Variants in KHDRBS2 observed in about 807,000 individuals in gnomAD.
KHDRBS2 encodes the protein KH domain-containing, RNA-binding, signal transduction-associated protein 2.
KHDRBS2 carries 26 observed loss-of-function variants against 44.3 expected under a neutral mutation model. The ratio of observed to expected loss-of-function variants is 0.59; its 90% CI spans 0.43 to 0.81. The LOEUF is 0.81. Among genes scored for constraint, KHDRBS2 ranks in the 40% least tolerant of loss-of-function variants. The probability of loss-of-function intolerance (pLI) is 0.00; values close to 1 mark genes in which losing one functional copy is unlikely to be tolerated. For synonymous variants in KHDRBS2, 194 were observed against 151.1 expected, an observed-to-expected ratio of 1.28 and a Z score of -2.08; for missense variants, 476 against 433.1, an observed-to-expected ratio of 1.10 and a Z score of -0.88.
chr6:61,592,010 G>A, the KHDRBS2 span, among the ~76,000 whole-genome samples: 2 of 151,918 alleles, frequency 1.3e-5, no homozygotes, highest in African/African-American at 4.8e-5. Flanking sequence ...GTAACATAGA[G>A]AGACCCTCAT....
At chr6:61,844,367 T>C (rs1427497240) in intron 6 of KHDRBS2, among the ~76,000 whole-genome samples, 1 of 152,190 alleles carries the variant, frequency 6.6e-6, no homozygotes, top group Non-Finnish European at 1.5e-5. Context: ...AAAATTAGTA[T>C]AATTTTCAGC....
chr6:62,207,482 T>C (rs1021559084), intron 1 of KHDRBS2, among the ~76,000 whole-genome samples: 1 of 152,070 alleles, frequency 6.6e-6, no homozygotes, highest in Non-Finnish European at 1.5e-5. Context: ...GCCCTGAAGG[T>C]GAGTATGTAA....
At chr6:62,235,749 T>C (rs982751473) in intron 1 of KHDRBS2, among the ~76,000 whole-genome samples, 2 of 152,048 alleles carry the variant, frequency 1.3e-5, no homozygotes, top group Non-Finnish European at 1.5e-5. Context: ...CCCTTCCTCA[T>C]TACCATTTAC....
chr6:62,229,048 C>T (rs1312100651), intron 1 of KHDRBS2, among the ~76,000 whole-genome samples: 2 of 152,090 alleles, frequency 1.3e-5, no homozygotes, highest in African/African-American at 2.4e-5. Context: ...GGGTGTGCTT[C>T]GTTTCGGGGG....
At chr6:61,796,799 C>T (rs1390100748) in intron 6 of KHDRBS2, among the ~76,000 whole-genome samples, 1 of 152,048 alleles carries the variant, frequency 6.6e-6, no homozygotes, top group Admixed American at 6.6e-5. Context: ...TTTTACCCCA[C>T]ATGTTGTATG....
chr6:61,690,363 A>G (rs557590778), intron 8 of KHDRBS2, among the ~76,000 whole-genome samples: 2 of 152,132 alleles, frequency 1.3e-5, no homozygotes, highest in East Asian at 3.9e-4. Flanking sequence ...TCATCCCAAG[A>G]GTTCGACAAT....
At chr6:62,170,853 T>TG (rs1439469963) in intron 2 of KHDRBS2, among the ~76,000 whole-genome samples, 1 of 151,578 alleles carries the variant, frequency 6.6e-6, no homozygotes, top group Non-Finnish European at 1.5e-5. Flanking sequence ...AGTGCAGAAC[T>TG]GAGCTGTGGC....
chr6:62,140,371 A>T (rs1320199552), intron 2 of KHDRBS2, among the ~76,000 whole-genome samples: 2 of 152,168 alleles, frequency 1.3e-5, no homozygotes, highest in Non-Finnish European at 2.9e-5. Context: ...ATATTAGATA[A>T]ATAATTCTGA....
chr6:61,765,736 T>C (rs998811272), intron 6 of KHDRBS2, among the ~76,000 whole-genome samples: 3 of 152,154 alleles, frequency 2.0e-5, no homozygotes, highest in African/African-American at 7.2e-5. Context: ...TTTTTCAGCA[T>C]CATTTGAAAA....
the KHDRBS2 span, among the ~76,000 whole-genome samples, chr6:61,577,671 T>A: frequency 6.6e-6 from 1 of 152,138 alleles, no homozygotes; most frequent in Admixed American, 6.6e-5. Flanking sequence ...AGAAATATAC[T>A]AATAACTGAA....
chr6:61,944,936 C>T (rs1476883158), intron 4 of KHDRBS2, among the ~76,000 whole-genome samples: 1 of 150,646 alleles, frequency 6.6e-6, no homozygotes, highest in Non-Finnish European at 1.5e-5. Flanking sequence ...ACTAAAAATA[C>T]AAAAATAAGC....
the KHDRBS2 span, among the ~76,000 whole-genome samples, chr6:61,544,298 G>C: frequency 1.3e-5 from 2 of 151,924 alleles, no homozygotes; most frequent in Non-Finnish European, 2.9e-5. Flanking sequence ...AAATTAACTA[G>C]TAGCTTCAAA....
chr6:61,928,865 T>A (rs1405593586), intron 4 of KHDRBS2, among the ~76,000 whole-genome samples: 2 of 152,140 alleles, frequency 1.3e-5, no homozygotes, highest in Non-Finnish European at 2.9e-5. Flanking sequence ...ATTATAAAAC[T>A]AGGATTGTTT....
At chr6:61,877,743 C>CTTTAGATTCT (rs549589009) in intron 6 of KHDRBS2, among the ~76,000 whole-genome samples, 141 of 152,060 alleles carry the variant, frequency 9.3e-4, no homozygotes, top group African/African-American at 3.3e-3. Context: ...TAAAACATCT[C>CTTTAGATTCT]TTTAGAAAAT....
chr6:62,050,915 C>A (rs1788881077), intron 2 of KHDRBS2, among the ~76,000 whole-genome samples: 1 of 152,126 alleles, frequency 6.6e-6, no homozygotes, highest in Non-Finnish European at 1.5e-5. Flanking sequence ...GAAGTACGGA[C>A]AAACAAGTTT....
intron 1 of KHDRBS2, among the ~76,000 whole-genome samples, chr6:62,199,749 G>A (rs1428026560): frequency 6.6e-6 from 1 of 152,090 alleles, no homozygotes; most frequent in Non-Finnish European, 1.5e-5. Flanking sequence ...AAGTTCACAT[G>A]GAACCAAAAA....
the KHDRBS2 span, among the ~76,000 whole-genome samples, chr6:61,556,957 T>C: frequency 2.0e-5 from 3 of 150,402 alleles, no homozygotes; most frequent in Non-Finnish European, 4.4e-5. Context: ...ATAAAGTTTG[T>C]TGCCAACAGC....
chr6:62,258,704 G>T (rs568657344), intron 1 of KHDRBS2, among the ~76,000 whole-genome samples: 1 of 152,088 alleles, frequency 6.6e-6, no homozygotes, highest in African/African-American at 2.4e-5. Context: ...TTAGCCCTAA[G>T]ATATCCCATT....
At chr6:62,035,210 C>A (rs561110648) in intron 3 of KHDRBS2, among the ~76,000 whole-genome samples, 7 of 152,036 alleles carry the variant, frequency 4.6e-5, no homozygotes, top group African/African-American at 1.7e-4. Flanking sequence ...TACAGCATGG[C>A]TCACAATAGC....
Sources: allele counts gnomAD v4.1 joint callset (sites outside exome capture counted in the v4.1 genomes callset), GRCh38; gene constraint gnomAD v4.1.1; transcripts MANE v1.5; gene names NCBI Gene and HGNC (gene_info 2026-07-23, HGNC 2026-07-21).